ADCY5: variants seen among roughly 807,000 people sequenced by gnomAD.
ADCY5 encodes adenylate cyclase 5.
A neutral mutation model predicts 119.7 loss-of-function variants in ADCY5; 30 were observed. That is an observed-to-expected ratio of 0.25 (90% confidence interval 0.19 to 0.34). The LOEUF (loss-of-function observed/expected upper bound fraction) is 0.34. Ranked by LOEUF, ADCY5 falls within the 10% of genes least tolerant of loss-of-function variation. The pLI is 1.00. For missense variants in ADCY5, 1,324 were observed against 1,775.2 expected (o/e 0.75, Z 4.57); for synonymous variants, 753 against 762.2 (o/e 0.99, Z 0.20).
intron 1 of ADCY5, among the ~76,000 whole-genome samples, chr3:123,442,172 G>A (rs1234067992): frequency 2.0e-5 from 3 of 152,156 alleles, no homozygotes; most frequent in Non-Finnish European, 4.4e-5. Context: ...AGCCCCCAGA[G>A]CAAACTTTTC....
At chr3:123,413,200 G>C (rs1301838483) in intron 1 of ADCY5, among the ~76,000 whole-genome samples, 1 of 152,236 alleles carries the variant, frequency 6.6e-6, no homozygotes, top group Non-Finnish European at 1.5e-5. Flanking sequence ...CAAGGACCAG[G>C]CTGTTTTCTT....
chr3:123,298,001 TA>T (rs1298757440), intron 15 of ADCY5, among the ~76,000 whole-genome samples: 1 of 147,228 alleles, frequency 6.8e-6, no homozygotes, highest in Non-Finnish European at 1.5e-5. Context: ...AGTGGCTTTT[TA>T]TTTTTTTATT....
chr3:123,416,259 A>G (rs1401553767), intron 1 of ADCY5: 1 of 1,536,134 alleles, frequency 6.5e-7, no homozygotes, highest in South Asian at 1.2e-5. Flanking sequence ...CCTCTTTCTG[A>G]GACTTCATTC....
intron 1 of ADCY5, among the ~76,000 whole-genome samples, chr3:123,409,685 T>G (rs955220726): frequency 9.9e-5 from 15 of 152,148 alleles, no homozygotes; most frequent in African/African-American, 3.4e-4. Context: ...ACTCAGAAAC[T>G]CTGGGAGCCC....
chr3:123,375,648 C>T (rs1412389713), intron 1 of ADCY5, among the ~76,000 whole-genome samples: 3 of 152,230 alleles, frequency 2.0e-5, no homozygotes, highest in Admixed American at 6.5e-5. Flanking sequence ...GTCAGAGGGA[C>T]GAGAGGTCTC....
At position 123,448,558 on chromosome 3, in the gene ADCY5, C is replaced by T; in HGVS notation, c.-13G>A. Reference sequence around the variant, plus strand: ...TGGAGCCGGACATCCCCCCCTCGGCCTCGTCGTCTCCTTCCTCCTCCCCCG... The same window carrying T: ...TGGAGCCGGACATCCCCCCCTCGGCTTCGTCGTCTCCTTCCTCCTCCCCCG... On this transcript the variant is annotated 5_prime_UTR_variant, in exon 1 of 21. Coordinates refer to ENST00000462833, the MANE Select transcript of ADCY5 (RefSeq NM_183357.3). 7.9e-7 allele frequency: 1 copy of T among 1,264,258 alleles called. No individual in the cohort carries two copies. Among genetic ancestry groups the T allele is most frequent in the Non-Finnish European group, 9.9e-7 (1 of 1,006,728 alleles). The allele number at this position is 1,264,258 out of a possible 1,614,324, so 78.3% of individuals were successfully genotyped here.
intron 1 of ADCY5, among the ~76,000 whole-genome samples, chr3:123,412,177 G>A (rs1040081386): frequency 1.3e-5 from 2 of 152,188 alleles, no homozygotes; most frequent in Non-Finnish European, 2.9e-5. Context: ...ACCACAAGGG[G>A]CACGCTGCGG....
intron 17 of ADCY5, among the ~76,000 whole-genome samples, chr3:123,294,394 G>A (rs1224121535): frequency 6.6e-6 from 1 of 152,206 alleles, no homozygotes; most frequent in Non-Finnish European, 1.5e-5. Context: ...CAAATACAAA[G>A]GGGGAAAAGG....
intron 1 of ADCY5, among the ~76,000 whole-genome samples, chr3:123,392,219 T>C (rs748483099): frequency 1.3e-5 from 2 of 152,264 alleles, no homozygotes; most frequent in Non-Finnish European, 2.9e-5. Flanking sequence ...CAAAATGTGA[T>C]AGAATTAAGG....
intron 12 of ADCY5, among the ~76,000 whole-genome samples, chr3:123,304,939 T>G (rs1940118765): frequency 6.6e-6 from 1 of 152,044 alleles, no homozygotes; most frequent in Admixed American, 6.6e-5. Context: ...AAGAATCTGA[T>G]GGACAGAGAA....
chr3:123,328,510 C>T lies in ADCY5; in HGVS notation c.1805+134G>A, dbSNP rs186526882. ...TCTACTTCCACTGTGCTCACCCCAG[C>T]GCCCCCACAGGTGCTTGCTGCCCAT... On this transcript the variant is annotated intron_variant, in intron 6 of 20. Transcript: ENST00000462833. 1.8e-4 allele frequency: 185 copies of T among 1,053,560 alleles called. No homozygotes were observed. In the Middle Eastern group the frequency reaches 3.4e-3, roughly 19 times the overall value. The allele number at this position is 1,053,560 out of a possible 1,614,324, so 65.3% of individuals were successfully genotyped here. A position where few individuals can be genotyped will look rare whatever the true frequency, so the allele number is the denominator to read the frequency against.
At chr3:123,422,718 T>C (rs1175622261) in intron 1 of ADCY5, among the ~76,000 whole-genome samples, 7 of 152,274 alleles carry the variant, frequency 4.6e-5, no homozygotes, top group Non-Finnish European at 7.4e-5. Flanking sequence ...TCCCAGATCA[T>C]AGGATAACAG....
chr3:123,334,257 C>T (rs1037022800), intron 3 of ADCY5, among the ~76,000 whole-genome samples: 2 of 152,160 alleles, frequency 1.3e-5, no homozygotes, highest in Non-Finnish European at 2.9e-5. Flanking sequence ...CCCCATTTCA[C>T]AGACGGGAGC....
Position 123,327,690 on chromosome 3 carries a change from C to T in ADCY5, c.1875G>A (p.Gly625=), listed in dbSNP as rs1941561672. ...CCTTGAGGTAGGCGTTGCGCTCGCC[C>T]CCACAGCCTGGCTCCACCTCGTAGT... ...NGDYEVEPGC[G]GERNAYLKEH... The change falls in exon 7 of 21, where the codon GGG becomes GGA. Residue 625 remains glycine, a synonymous_variant. Transcript: ENST00000462833. The T allele has an allele frequency of 6.2e-7, 1 of 1,614,076 alleles. No individual in the cohort carries two copies. The highest frequency in any genetic ancestry group is 8.5e-7 in the Non-Finnish European group (1 of 1,180,014).
intron 11 of ADCY5, 93 bp downstream of exon 11, chr3:123,317,927 T>A (rs377113760): frequency 2.6e-6 from 3 of 1,174,818 alleles, no homozygotes; most frequent in East Asian, 2.5e-5. Flanking sequence ...CAGGCCAGAC[T>A]CCCTGCTCTG....
chr3:123,434,300 T>C (rs1945569715), intron 1 of ADCY5, among the ~76,000 whole-genome samples: 1 of 152,262 alleles, frequency 6.6e-6, no homozygotes. Context: ...ATCACAGGTC[T>C]GTAACCCGCC....
At chr3:123,315,634 G>T (rs1344728052) in intron 11 of ADCY5, among the ~76,000 whole-genome samples, 1 of 152,114 alleles carries the variant, frequency 6.6e-6, no homozygotes. Flanking sequence ...GGAGGGCAGT[G>T]GTGTGATCTC....
At chr3:123,372,166 A>C (rs532379620) in intron 1 of ADCY5, among the ~76,000 whole-genome samples, 1 of 152,120 alleles carries the variant, frequency 6.6e-6, no homozygotes, top group East Asian at 1.9e-4. Flanking sequence ...CTCTCACCTC[A>C]ATTTGCCCCA....
Position 123,448,738 on chromosome 3 carries a change from G to T in ADCY5, c.-193C>A. 1 of 432,204 alleles carries T rather than the reference G, an allele frequency of 2.3e-6. No individual in the cohort carries two copies. The highest frequency in any genetic ancestry group is 3.9e-6 in the Non-Finnish European group (1 of 257,886). The allele number at this position is 432,204 out of a possible 1,614,324, so 26.8% of individuals were successfully genotyped here. Reference sequence around the variant, plus strand: ...GAGGAGGAGGGCACAGCCCCGAGGTGAGAAGTAGCTGAGGATCCGCGTCAG... The same window carrying T: ...GAGGAGGAGGGCACAGCCCCGAGGTTAGAAGTAGCTGAGGATCCGCGTCAG... On this transcript the variant is annotated 5_prime_UTR_variant, in exon 1 of 21. Coordinates refer to ENST00000462833, the MANE Select transcript of ADCY5 (RefSeq NM_183357.3).
Sources: allele counts gnomAD v4.1 joint callset (sites outside exome capture counted in the v4.1 genomes callset), GRCh38; gene constraint gnomAD v4.1.1; transcripts MANE v1.5; gene names NCBI Gene and HGNC (gene_info 2026-07-23, HGNC 2026-07-21).